Variants in RNF150 observed in about 807,000 individuals in gnomAD.
The protein encoded by RNF150 is ring finger protein 150.
RNF150 carries 24 observed loss-of-function variants against 39.3 expected under a neutral mutation model. That is an observed-to-expected ratio of 0.61 (90% CI 0.44 to 0.86). The LOEUF is 0.86. Among genes scored for constraint, RNF150 ranks in the 40% least tolerant of loss-of-function variants. The pLI, the probability that RNF150 is intolerant of heterozygous loss-of-function variation, is 0.00. For missense variants in RNF150, 502 were observed against 587.8 expected (o/e 0.85, Z 1.51); for synonymous variants, 255 against 227.3 (o/e 1.12, Z -1.10).
At chr4:141,053,944 T>C (rs1031276930) in intron 1 of RNF150, among the ~76,000 whole-genome samples, 3 of 152,160 alleles carry the variant, frequency 2.0e-5, no homozygotes, top group Non-Finnish European at 4.4e-5. Flanking sequence ...GTCCTATATT[T>C]GGCTATACTT....
chr4:141,101,890 T>C (rs1739025096), intron 1 of RNF150, among the ~76,000 whole-genome samples: 5 of 152,150 alleles, frequency 3.3e-5, no homozygotes, highest in Admixed American at 3.3e-4. Context: ...CAAGCGATTC[T>C]CCTGCCTCAG....
chr4:141,200,896 G>T (rs188880602), intron 1 of RNF150, among the ~76,000 whole-genome samples: 298 of 152,224 alleles, frequency 2.0e-3, no homozygotes, highest in African/African-American at 6.7e-3. Context: ...AAAAGTTCCA[G>T]TACCATATGT....
intron 6 of RNF150, among the ~76,000 whole-genome samples, chr4:140,871,648 A>T (rs916395064): frequency 2.6e-5 from 4 of 152,228 alleles, no homozygotes; most frequent in African/African-American, 7.2e-5. Flanking sequence ...GCCAAAAAAA[A>T]AATAGCACAG....
chr4:141,175,607 G>A (rs567985475), intron 1 of RNF150, among the ~76,000 whole-genome samples: 1 of 152,286 alleles, frequency 6.6e-6, no homozygotes, highest in African/African-American at 2.4e-5. Context: ...CCCTACTTGA[G>A]TTCAGAAGCA....
At chr4:140,952,691 C>T (rs1225839407) in intron 2 of RNF150, among the ~76,000 whole-genome samples, 1 of 152,128 alleles carries the variant, frequency 6.6e-6, no homozygotes, top group East Asian at 1.9e-4. Flanking sequence ...ATTAGAAAGA[C>T]GAATTCCATT....
rs573999839 is a variant in RNF150 at position 140,947,411 on chromosome 4, TAGC to T, written c.890+240_890+242del. Among the ~76,000 whole-genome samples the T allele has an allele frequency of 6.6e-5, 10 of 152,322 alleles. No individual in the cohort carries two copies. The East Asian group carries it at 1.7e-3, about 26-fold the overall frequency. ...TTCTGTCTCATGAAGTCCTAGTTCATAGCAGTATACTTCCTTTGATGCAAAGGG... is the reference window on the plus strand; with the variant it reads ...TTCTGTCTCATGAAGTCCTAGTTCATAGTATACTTCCTTTGATGCAAAGGG... On this transcript the variant is annotated intron_variant, in intron 4 of 6. Coordinates refer to ENST00000515673, the MANE Select transcript of RNF150 (RefSeq NM_020724.2).
At chr4:140,915,197 G>A (rs1374678504) in intron 5 of RNF150, among the ~76,000 whole-genome samples, 2 of 152,198 alleles carry the variant, frequency 1.3e-5, no homozygotes, top group Non-Finnish European at 2.9e-5. Context: ...TCAGTTATCA[G>A]AGAGTGAAAA....
At chr4:141,189,258 C>T (rs1728065066) in intron 1 of RNF150, among the ~76,000 whole-genome samples, 1 of 152,166 alleles carries the variant, frequency 6.6e-6, no homozygotes, top group South Asian at 2.1e-4. Flanking sequence ...CTGTCTGCTT[C>T]TTCCTCTGGA....
chr4:140,986,978 C>A (rs937802100), intron 1 of RNF150, among the ~76,000 whole-genome samples: 1 of 151,878 alleles, frequency 6.6e-6, no homozygotes. Flanking sequence ...TACACCAATA[C>A]CGTTCAAGTT....
chr4:141,036,488 T>C (rs1456839646), intron 1 of RNF150, among the ~76,000 whole-genome samples: 1 of 152,196 alleles, frequency 6.6e-6, no homozygotes, highest in African/African-American at 2.4e-5. Flanking sequence ...TCTCGAACTT[T>C]TTCAGACTGC....
intron 1 of RNF150, among the ~76,000 whole-genome samples, chr4:141,074,775 G>A (rs115298352): frequency 0.013 from 1,960 of 152,236 alleles, 55 homozygotes; most frequent in African/African-American, 0.045. Context: ...AATGCTGTTT[G>A]TGATACAAGA....
chr4:140,923,408 A>G (rs1731243772), intron 5 of RNF150, among the ~76,000 whole-genome samples: 2 of 152,352 alleles, frequency 1.3e-5, no homozygotes, highest in South Asian at 4.1e-4. Context: ...ATGCAAATCA[A>G]AACCACAATG....
chr4:141,022,180 A>T (rs1180347218), intron 1 of RNF150, among the ~76,000 whole-genome samples: 3 of 152,130 alleles, frequency 2.0e-5, no homozygotes, highest in Admixed American at 6.5e-5. Context: ...ACAAAACGTG[A>T]ACCAAGTCTT....
At chr4:140,905,665 T>A (rs1730345786) in intron 6 of RNF150, among the ~76,000 whole-genome samples, 1 of 143,326 alleles carries the variant, frequency 7.0e-6, no homozygotes. Context: ...CCCAGGCCTG[T>A]GAGGGGGTTG....
chr4:141,132,320 C>T lies in RNF150; in HGVS notation c.484+5G>A. ...CCCCTCCCCCGCGCCCGCTGGGCCACTCACCCGCGTGGGGCATGGTGATGG... is the reference window on the plus strand; with the variant it reads ...CCCCTCCCCCGCGCCCGCTGGGCCATTCACCCGCGTGGGGCATGGTGATGG... On this transcript the variant is annotated splice_donor_5th_base_variant and intron_variant, in intron 1 of 6. Coordinates refer to ENST00000515673, the MANE Select transcript of RNF150 (RefSeq NM_020724.2). The surrounding 1 kb of genome is among the most constrained non-coding windows in gnomAD (Gnocchi z 4.9). 6.4e-7 allele frequency: 1 copy of T among 1,571,320 alleles called. No individual in the cohort carries two copies. Among genetic ancestry groups the T allele is most frequent in the Non-Finnish European group, 8.6e-7 (1 of 1,158,098 alleles).
chr4:140,893,725 G>T (rs1447233057), intron 6 of RNF150, among the ~76,000 whole-genome samples: 1 of 152,188 alleles, frequency 6.6e-6, no homozygotes, highest in Non-Finnish European at 1.5e-5. Context: ...GCGGGGGCTT[G>T]TGAAGCTTAA....
intron 6 of RNF150, among the ~76,000 whole-genome samples, chr4:140,873,716 T>C (rs58594074): frequency 0.15 from 22,431 of 152,176 alleles, 1,948 homozygotes; most frequent in East Asian, 0.39. Context: ...CTCTCTCTGT[T>C]GCCCAAGCTG....
chr4:141,071,877 G>A (rs553522952), intron 1 of RNF150, among the ~76,000 whole-genome samples: 1 of 152,318 alleles, frequency 6.6e-6, no homozygotes, highest in Admixed American at 6.5e-5. Context: ...GCATTGTCAA[G>A]TCCTGGTAAC....
At chr4:140,933,299 G>C (rs1320032864) in intron 4 of RNF150, among the ~76,000 whole-genome samples, 3 of 152,124 alleles carry the variant, frequency 2.0e-5, no homozygotes, top group Non-Finnish European at 4.4e-5. Flanking sequence ...GTGGAGGAAA[G>C]AAATTCAAAA....
Sources: allele counts gnomAD v4.1 joint callset (sites outside exome capture counted in the v4.1 genomes callset), GRCh38; gene constraint gnomAD v4.1.1; non-coding constraint Gnocchi (gnomAD v3.1); transcripts MANE v1.5; gene names NCBI Gene and HGNC (gene_info 2026-07-23, HGNC 2026-07-21).